FGD4: variants seen among roughly 807,000 people sequenced by gnomAD.
FGD4 encodes FYVE, RhoGEF and PH domain containing 4.
Under a neutral mutation model 102.0 loss-of-function variants are expected in FGD4, and 42 were observed. The ratio of observed to expected loss-of-function variants is 0.41; its 90% confidence interval spans 0.32 to 0.53. FGD4 has a LOEUF of 0.53. Ranked by LOEUF, FGD4 falls within the 20% of genes least tolerant of loss-of-function variation. The probability of loss-of-function intolerance (pLI) is 0.21; values close to 1 mark genes in which losing one functional copy is unlikely to be tolerated. For synonymous variants in FGD4, 380 were observed against 375.7 expected (o/e 1.01, Z -0.13); for missense variants, 902 against 1,078.2 (o/e 0.84, Z 2.29).
At chr12:32,554,033 G>A (rs1406788372) in intron 1 of FGD4, among the ~76,000 whole-genome samples, 1 of 152,152 alleles carries the variant, frequency 6.6e-6, no homozygotes, top group Non-Finnish European at 1.5e-5. Context: ...AGGCTGCAGT[G>A]AGTTGTGAGT....
intron 1 of FGD4, among the ~76,000 whole-genome samples, chr12:32,458,640 C>T (rs1172903643): frequency 6.6e-6 from 1 of 152,112 alleles, no homozygotes; most frequent in African/African-American, 2.4e-5. Context: ...TGCTCCATCG[C>T]CCATAACAAT....
At chr12:32,540,634 C>T (rs1390053640) in intron 1 of FGD4, among the ~76,000 whole-genome samples, 1 of 148,896 alleles carries the variant, frequency 6.7e-6, no homozygotes, top group African/African-American at 2.5e-5. Flanking sequence ...GGTGTGATCT[C>T]AGCTCACCGC....
chr12:32,587,329 T>C (rs1014430006), intron 4 of FGD4, among the ~76,000 whole-genome samples: 7 of 152,118 alleles, frequency 4.6e-5, no homozygotes, highest in African/African-American at 1.7e-4. Context: ...CATCACTTTT[T>C]TTGTAATTAA....
At chr12:32,477,882 AGAC>A (rs1432703904) in intron 1 of FGD4, among the ~76,000 whole-genome samples, 13 of 152,130 alleles carry the variant, frequency 8.5e-5, no homozygotes, top group African/African-American at 3.1e-4. Context: ...GATTGGTAGG[AGAC>A]GACAAAACAG....
At chr12:32,484,083 A>G (rs994311698) in intron 1 of FGD4, among the ~76,000 whole-genome samples, 3 of 151,934 alleles carry the variant, frequency 2.0e-5, no homozygotes, top group Non-Finnish European at 4.4e-5. Context: ...AAATTACACC[A>G]AAAAAAATCC....
chr12:32,480,794 C>T (rs1193646297), intron 1 of FGD4, among the ~76,000 whole-genome samples: 2 of 149,406 alleles, frequency 1.3e-5, no homozygotes, highest in African/African-American at 2.4e-5. Flanking sequence ...CCACCACGCC[C>T]GGCCTTTTTT....
At chr12:32,445,781 T>A (rs1272137091) in intron 1 of FGD4, among the ~76,000 whole-genome samples, 1 of 152,170 alleles carries the variant, frequency 6.6e-6, no homozygotes, top group East Asian at 1.9e-4. Context: ...TCAAAATAAC[T>A]GTAAGGACCT....
chr12:32,626,385 A>G (rs1056878123), intron 14 of FGD4, among the ~76,000 whole-genome samples: 4 of 149,288 alleles, frequency 2.7e-5, no homozygotes, highest in Non-Finnish European at 5.9e-5. Flanking sequence ...CGGAGGTTGC[A>G]GTGAGCTGAG....
chr12:32,477,277 G>A (rs1943606392), intron 1 of FGD4: 1 of 149,844 alleles, frequency 6.7e-6, no homozygotes, highest in Non-Finnish European at 1.5e-5. Context: ...ACTAGAGTGA[G>A]ACTCCGTCTC....
intron 1 of FGD4, among the ~76,000 whole-genome samples, chr12:32,496,268 C>T (rs1937812812): frequency 6.6e-6 from 1 of 152,176 alleles, no homozygotes; most frequent in African/African-American, 2.4e-5. Flanking sequence ...GTTTTATCAG[C>T]ACAAAACTTG....
chr12:32,604,941 T>TTTTTTTTC (rs1219373131), intron 7 of FGD4, among the ~76,000 whole-genome samples: 1 of 141,938 alleles, frequency 7.0e-6, no homozygotes, highest in Non-Finnish European at 1.5e-5. Flanking sequence ...AGCTGCTTTT[T>TTTTTTTTC]TTTTTTTTTT....
intron 1 of FGD4, among the ~76,000 whole-genome samples, chr12:32,501,494 A>G (rs1938213796): frequency 6.6e-6 from 1 of 152,216 alleles, no homozygotes; most frequent in Non-Finnish European, 1.5e-5. Context: ...AGTACATAGT[A>G]TAAAATTAAG....
At chr12:32,634,542 T>A (rs1950681181) in intron 15 of FGD4, among the ~76,000 whole-genome samples, 1 of 151,672 alleles carries the variant, frequency 6.6e-6, no homozygotes, top group South Asian at 2.1e-4. Context: ...CTGAAATGAG[T>A]TTTACATCTA....
chr12:32,411,931 C>T (rs968889784), intron 1 of FGD4, among the ~76,000 whole-genome samples: 3 of 151,964 alleles, frequency 2.0e-5, no homozygotes, highest in Admixed American at 6.6e-5. Context: ...ACCGAGATTG[C>T]GCCACTGAAC....
chr12:32,461,109 G>A (rs1226203690), intron 1 of FGD4, among the ~76,000 whole-genome samples: 2 of 152,126 alleles, frequency 1.3e-5, no homozygotes, highest in African/African-American at 4.8e-5. Flanking sequence ...TATTCATCAT[G>A]TTGAAAGTTA....
At chr12:32,424,902 A>G (rs1941778934) in intron 1 of FGD4, among the ~76,000 whole-genome samples, 1 of 151,922 alleles carries the variant, frequency 6.6e-6, no homozygotes, top group South Asian at 2.1e-4. Flanking sequence ...TCCTTTGCCC[A>G]CTTTTTGATG....
At chr12:32,591,513 A>G (rs1320443103) in intron 4 of FGD4, among the ~76,000 whole-genome samples, 1 of 152,236 alleles carries the variant, frequency 6.6e-6, no homozygotes, top group Non-Finnish European at 1.5e-5. Flanking sequence ...TAGCATTTAC[A>G]ACATTCTTCC....
intron 3 of FGD4, among the ~76,000 whole-genome samples, chr12:32,578,760 G>A (rs1313573411): frequency 1.3e-5 from 2 of 151,970 alleles, no homozygotes; most frequent in Non-Finnish European, 2.9e-5. Flanking sequence ...AGCCCCAGGA[G>A]GTCAAGGCTG....
intron 1 of FGD4, among the ~76,000 whole-genome samples, chr12:32,471,411 G>A (rs1943411926): frequency 6.6e-6 from 1 of 152,162 alleles, no homozygotes. Flanking sequence ...AATATGTACT[G>A]TAGAAAAGCC....
Sources: allele counts gnomAD v4.1 joint callset (sites outside exome capture counted in the v4.1 genomes callset), GRCh38; gene constraint gnomAD v4.1.1; transcripts MANE v1.5; gene names NCBI Gene and HGNC (gene_info 2026-07-23, HGNC 2026-07-21).